The following TENM2 variants were observed in gnomAD, a reference collection of about 807,000 sequenced individuals.
TENM2 encodes teneurin-2.
A neutral mutation model predicts 245.2 loss-of-function variants in TENM2; 52 were observed. The ratio of observed to expected loss-of-function variants is 0.21; its 90% CI spans 0.17 to 0.27. The LOEUF is 0.27. Ranked by LOEUF, TENM2 falls within the 10% of genes least tolerant of loss-of-function variation. TENM2 has a pLI of 1.00. For synonymous variants in TENM2, 1,363 were observed against 1,438.9 expected, an observed-to-expected ratio of 0.95 and a Z score of 1.19; for missense variants, 3,046 against 3,666.8, an observed-to-expected ratio of 0.83 and a Z score of 4.37.
chr5:167,613,529 T>C (rs188237109), intron 2 of TENM2, among the ~76,000 whole-genome samples: 2 of 152,256 alleles, frequency 1.3e-5, no homozygotes, highest in East Asian at 3.9e-4. Context: ...TTTGTTCATC[T>C]GTAAAGGTTG....
intron 3 of TENM2, among the ~76,000 whole-genome samples, chr5:167,904,462 CCTCTAT>C (rs1775936026): frequency 6.6e-6 from 1 of 152,052 alleles, no homozygotes; most frequent in African/African-American, 2.4e-5. Flanking sequence ...TTTAATAAGG[CCTCTAT>C]AAATGAAGCT....
chr5:167,570,771 A>G (rs1156745381), intron 2 of TENM2, among the ~76,000 whole-genome samples: 2 of 152,202 alleles, frequency 1.3e-5, no homozygotes, highest in Non-Finnish European at 2.9e-5. Context: ...AAATCAAGAA[A>G]TGTCAGAGGT....
intron 2 of TENM2, among the ~76,000 whole-genome samples, chr5:167,402,702 C>T (rs1762427286): frequency 6.6e-6 from 1 of 152,046 alleles, no homozygotes; most frequent in East Asian, 1.9e-4. Flanking sequence ...GTTCCTAGCA[C>T]ATAATAAATG....
the TENM2 span, among the ~76,000 whole-genome samples, chr5:167,184,761 C>A: frequency 6.6e-6 from 1 of 152,158 alleles, no homozygotes; most frequent in Admixed American, 6.6e-5. Flanking sequence ...CTCAGGCTAC[C>A]TTTTGGTGAC....
the TENM2 span, among the ~76,000 whole-genome samples, chr5:167,277,423 T>C: frequency 6.6e-6 from 1 of 152,206 alleles, no homozygotes; most frequent in South Asian, 2.1e-4. Context: ...GATTTTCTTC[T>C]TATTTTCTAT....
the TENM2 span, among the ~76,000 whole-genome samples, chr5:167,222,145 G>A: frequency 6.6e-6 from 1 of 152,122 alleles, no homozygotes; most frequent in Non-Finnish European, 1.5e-5. Context: ...TGGAATTTCA[G>A]CATCTCAAAG....
At chr5:167,298,697 G>C (rs184592083) in intron 1 of TENM2, among the ~76,000 whole-genome samples, 13 of 152,328 alleles carry the variant, frequency 8.5e-5, no homozygotes, top group Admixed American at 3.9e-4. Flanking sequence ...GGAGGACCCA[G>C]GGCATCTAAT....
chr5:167,755,255 A>C (rs768366181), intron 2 of TENM2: 39 of 1,263,412 alleles, frequency 3.1e-5, no homozygotes, highest in Non-Finnish European at 4.1e-5. Context: ...CTGACAGGGT[A>C]GTTGGAGTAT....
At chr5:167,056,253 C>CA in the TENM2 span, among the ~76,000 whole-genome samples, 7 of 151,642 alleles carry the variant, frequency 4.6e-5, no homozygotes, top group Non-Finnish European at 1.0e-4. Flanking sequence ...GTTATACTGG[C>CA]AACAAATTCC....
chr5:167,603,812 G>A (rs1301447581), intron 2 of TENM2, among the ~76,000 whole-genome samples: 1 of 152,200 alleles, frequency 6.6e-6, no homozygotes, highest in Non-Finnish European at 1.5e-5. Flanking sequence ...ACCCTGCTGA[G>A]AACAGAGTTC....
chr5:168,047,746 G>T (rs1252042113), intron 6 of TENM2, among the ~76,000 whole-genome samples, 197 bp downstream of exon 8: 7 of 152,206 alleles, frequency 4.6e-5, no homozygotes, highest in Admixed American at 2.6e-4. Flanking sequence ...TGTTTGGCTG[G>T]ATCACTCAGA....
At chr5:167,668,335 G>T (rs1755707026) in intron 2 of TENM2, among the ~76,000 whole-genome samples, 1 of 152,276 alleles carries the variant, frequency 6.6e-6, no homozygotes, top group South Asian at 2.1e-4. Flanking sequence ...ATCAAGGTTT[G>T]TTGTCTGATT....
At chr5:167,929,127 AAGAAAAGAAAGAAGGG>A (rs1561946267) in intron 3 of TENM2, among the ~76,000 whole-genome samples, 21 of 133,802 alleles carry the variant, frequency 1.6e-4, no homozygotes, top group Non-Finnish European at 2.9e-4. Context: ...GAAAGAAAGA[AAGAAAAGAAAGAAGGG>A]AGGGAGGGAG....
intron 2 of TENM2, among the ~76,000 whole-genome samples, chr5:167,690,131 A>G (rs1448060409): frequency 7.0e-6 from 1 of 142,512 alleles, no homozygotes; most frequent in Non-Finnish European, 1.5e-5. Context: ...TTTTTTTAGT[A>G]ATTCAAACCC....
intron 13 of TENM2, among the ~76,000 whole-genome samples, chr5:168,170,392 T>A (rs920391892): frequency 6.6e-6 from 1 of 152,038 alleles, no homozygotes; most frequent in Admixed American, 6.5e-5. Context: ...TAGTCCCAGC[T>A]ACTCAGGAAG....
intron 1 of TENM2, among the ~76,000 whole-genome samples, chr5:167,286,801 C>T (rs1238030434): frequency 2.6e-5 from 4 of 152,152 alleles, no homozygotes; most frequent in Non-Finnish European, 5.9e-5. Context: ...TGTAGATAGG[C>T]CTGTCACCTT....
intron 19 of TENM2, among the ~76,000 whole-genome samples, chr5:168,206,139 C>T (rs542280447): frequency 6.6e-6 from 1 of 152,356 alleles, no homozygotes; most frequent in South Asian, 2.1e-4. Context: ...CTGAAGCAGC[C>T]TCAGCCTCTC....
At chr5:167,029,744 G>C in the TENM2 span, among the ~76,000 whole-genome samples, 1 of 152,112 alleles carries the variant, frequency 6.6e-6, no homozygotes, top group Non-Finnish European at 1.5e-5. Context: ...GCTTTGGCAT[G>C]GTTCTCACAA....
chr5:167,958,508 C>T (rs928908083), intron 4 of TENM2, among the ~76,000 whole-genome samples: 10 of 152,030 alleles, frequency 6.6e-5, no homozygotes, highest in African/African-American at 2.4e-4. Flanking sequence ...TGTATGAATT[C>T]GATCCTGTCA....
Sources: gnomAD v4.1 joint callset for allele counts (sites outside exome capture counted in the v4.1 genomes callset) on GRCh38, gnomAD v4.1.1 for gene constraint, MANE v1.5 for transcripts, NCBI Gene and HGNC (gene_info 2026-07-23, HGNC 2026-07-21) for gene names.